Variants in RANBP2 observed in about 807,000 individuals in gnomAD.
RANBP2 encodes RAN binding protein 2.
RANBP2 carries 57 observed loss-of-function variants against 303.6 expected under a neutral mutation model. The observed-to-expected ratio is 0.19, with a 90% CI of 0.15 to 0.23. RANBP2 has a LOEUF of 0.23. Among genes scored for constraint, RANBP2 ranks in the 10% least tolerant of loss-of-function variants. The pLI, the probability that RANBP2 is intolerant of heterozygous loss-of-function variation, is 1.00. For synonymous variants in RANBP2, 1,167 were observed against 1,301.5 expected, an observed-to-expected ratio of 0.90 and a Z score of 2.23; for missense variants, 3,138 against 3,780.8, an observed-to-expected ratio of 0.83 and a Z score of 4.46.
At chr2:109,368,161 C>T in the RANBP2 span, among the ~76,000 whole-genome samples, 1 of 152,160 alleles carries the variant, frequency 6.6e-6, no homozygotes, top group African/African-American at 2.4e-5. Flanking sequence ...GTCTGCCTTT[C>T]CACTGTTTTT....
the RANBP2 span, among the ~76,000 whole-genome samples, chr2:109,272,442 C>T: frequency 2.0e-5 from 3 of 152,244 alleles, no homozygotes; most frequent in Non-Finnish European, 4.4e-5. Context: ...ACCAGCATCC[C>T]GCAGCTCCAC....
chr2:108,789,104 A>T, downstream of RANBP2: 1 of 676,156 alleles, frequency 1.5e-6, no homozygotes, highest in Non-Finnish European at 2.4e-6. Context: ...GGAGCCTGCT[A>T]AATAGTTGAA....
chr2:109,610,134 G>A, the RANBP2 span, among the ~76,000 whole-genome samples: 1 of 150,368 alleles, frequency 6.7e-6, no homozygotes, highest in Admixed American at 6.6e-5. Context: ...CTGTCGCCAG[G>A]CTGGAGTGCA....
the RANBP2 span, among the ~76,000 whole-genome samples, chr2:109,646,331 T>C: frequency 5.3e-5 from 8 of 152,142 alleles, no homozygotes; most frequent in Non-Finnish European, 8.8e-5. Flanking sequence ...TTTGATGCAA[T>C]ATTTTAAAAA....
the RANBP2 span, among the ~76,000 whole-genome samples, chr2:109,199,259 T>C: frequency 2.0e-3 from 129 of 63,510 alleles, 1 homozygote; most frequent in African/African-American, 7.2e-3. Context: ...CGGGAGGTGC[T>C]TGCAGTGAGC....
chr2:108,748,374 ATTTTTTT>A (rs34247750), intron 8 of RANBP2, among the ~76,000 whole-genome samples: 7 of 130,748 alleles, frequency 5.4e-5, no homozygotes, highest in Non-Finnish European at 6.5e-5. Flanking sequence ...GGGCCGGCTA[ATTTTTTT>A]TTTTTTTTTT....
intron 17 of RANBP2, 125 bp from the exon 18 acceptor site, chr2:108,758,288 C>T: frequency 1.4e-6 from 2 of 1,413,830 alleles, no homozygotes; most frequent in South Asian, 1.4e-5. Context: ...CAGATCGAGA[C>T]ACCATCTCAA....
chr2:109,763,800 C>G, the RANBP2 span, among the ~76,000 whole-genome samples: 3 of 149,792 alleles, frequency 2.0e-5, no homozygotes, highest in Non-Finnish European at 3.0e-5. Flanking sequence ...AGAACTTTTT[C>G]TAATTGATGG....
the RANBP2 span, among the ~76,000 whole-genome samples, chr2:109,264,009 T>C: frequency 6.6e-6 from 1 of 152,214 alleles, no homozygotes; most frequent in Non-Finnish European, 1.5e-5. Context: ...AGTCATTCCC[T>C]GGTCAGGACA....
the RANBP2 span, among the ~76,000 whole-genome samples, chr2:108,984,139 T>C: frequency 4.6e-5 from 7 of 152,226 alleles, no homozygotes; most frequent in East Asian, 9.6e-4. Context: ...TGGCATGTGT[T>C]AACGGCCAAG....
At chr2:109,245,333 A>G in the RANBP2 span, among the ~76,000 whole-genome samples, 1 of 151,474 alleles carries the variant, frequency 6.6e-6, no homozygotes, top group Non-Finnish European at 1.5e-5. Context: ...CTCTGTCCCC[A>G]ACTTGGGGAC....
the RANBP2 span, chr2:108,906,464 C>A: frequency 1.5e-5 from 20 of 1,292,860 alleles, no homozygotes; most frequent in Non-Finnish European, 2.1e-5. Flanking sequence ...AGCAGCTACG[C>A]CCAACACCAG....
the RANBP2 span, among the ~76,000 whole-genome samples, chr2:109,452,603 A>C: frequency 1.3e-5 from 2 of 152,106 alleles, no homozygotes; most frequent in Admixed American, 6.5e-5. Context: ...TTCTCCTAGG[A>C]GCGTGGGAGA....
chr2:108,872,334 G>T, the RANBP2 span, among the ~76,000 whole-genome samples: 1 of 151,768 alleles, frequency 6.6e-6, no homozygotes, highest in Non-Finnish European at 1.5e-5. Flanking sequence ...TTCTTAACTC[G>T]TTCCACCACC....
the RANBP2 span, chr2:109,437,000 G>A: frequency 6.2e-7 from 1 of 1,613,860 alleles, no homozygotes; most frequent in Non-Finnish European, 8.5e-7. Flanking sequence ...AGTCTGAGCA[G>A]CCTGGCCACT....
At chr2:109,409,117 C>G in the RANBP2 span, among the ~76,000 whole-genome samples, 6 of 152,236 alleles carry the variant, frequency 3.9e-5, no homozygotes, top group Admixed American at 6.5e-5. Flanking sequence ...TGTGGATGTT[C>G]TCCTCCCATA....
At chr2:109,431,513 G>T in the RANBP2 span, among the ~76,000 whole-genome samples, 3 of 152,172 alleles carry the variant, frequency 2.0e-5, no homozygotes, top group Non-Finnish European at 4.4e-5. Flanking sequence ...CTTGGCCCAT[G>T]GGCTGAGTTA....
chr2:108,765,224 G>T lies in RANBP2; in HGVS notation c.4685G>T (p.Arg1562Ile). The T allele has an allele frequency of 1.2e-6, 2 of 1,613,836 alleles. No homozygotes were observed. Among genetic ancestry groups the T allele is most frequent in the Non-Finnish European group, 1.7e-6 (2 of 1,179,938 alleles). The change falls in exon 20 of 29, where the codon AGA (arginine) becomes ATA (isoleucine). Residue 1562 changes from arginine to isoleucine, a missense_variant. This residue lies in a region of RANBP2 where 388 missense variants were observed against 328.5 expected (regional missense o/e 1.18). Coordinates refer to ENST00000283195, the MANE Select transcript of RANBP2 (RefSeq NM_006267.5). ...CLVRNEANAT[R>I]CVACQNPDKP... ...GTGCGAAATGAAGCAAATGCTACAA[G>T]ATGTGTTGCTTGTCAGAATCCGGAT...
chr2:108,934,359 CTGTT>C, the RANBP2 span, among the ~76,000 whole-genome samples: 298 of 152,228 alleles, frequency 2.0e-3, 1 homozygote, highest in Non-Finnish European at 3.5e-3. Flanking sequence ...TCGTGATCTC[CTGTT>C]TGTTTTACTT....
Sources: allele counts gnomAD v4.1 joint callset (sites outside exome capture counted in the v4.1 genomes callset), GRCh38; gene constraint gnomAD v4.1.1; regional missense constraint gnomAD v4.1.1; transcripts MANE v1.5; gene names NCBI Gene and HGNC (gene_info 2026-07-23, HGNC 2026-07-21).